RABEPK: variants seen among roughly 807,000 people sequenced by gnomAD.
RABEPK encodes the protein 40 kDa Rab9 effector protein.
Under a neutral mutation model 34.1 loss-of-function variants are expected in RABEPK, and 27 were observed. That is an observed-to-expected ratio of 0.79 (90% CI 0.58 to 1.09). The LOEUF (loss-of-function observed/expected upper bound fraction) is 1.09, where lower values mean the gene tolerates loss of function less well. Among genes scored for constraint, RABEPK ranks in the 50% least tolerant of loss-of-function variants. RABEPK has a pLI of 0.00. For missense variants in RABEPK, 449 were observed against 462.6 expected (o/e 0.97, Z 0.27); for synonymous variants, 172 against 169.2 (o/e 1.02, Z -0.13).
At chr9:125,204,568 G>A (rs772776283) in intron 2 of RABEPK, among the ~76,000 whole-genome samples, 2 of 152,220 alleles carry the variant, frequency 1.3e-5, no homozygotes, top group Non-Finnish European at 2.9e-5. Flanking sequence ...GCGCAACAGA[G>A]GGAGACTCCG....
intron 2 of RABEPK, among the ~76,000 whole-genome samples, chr9:125,206,364 G>T (rs1459510692): frequency 2.0e-5 from 3 of 152,110 alleles, no homozygotes; most frequent in African/African-American, 7.2e-5. Flanking sequence ...CAGGCATGGT[G>T]GTGCGCGCCT....
intron 6 of RABEPK, among the ~76,000 whole-genome samples, chr9:125,231,059 T>C (rs1307838540): frequency 1.3e-5 from 2 of 151,356 alleles, no homozygotes; most frequent in African/African-American, 4.8e-5. Flanking sequence ...TCCCAGCACT[T>C]TGGGAGGCCG....
chr9:125,225,562 C>T (rs1433849095), intron 5 of RABEPK, among the ~76,000 whole-genome samples: 1 of 152,088 alleles, frequency 6.6e-6, no homozygotes, highest in Admixed American at 6.6e-5. Context: ...GTGGCTCATG[C>T]CTATAATCCC....
chr9:125,201,827 G>C (rs1274656408), intron 1 of RABEPK, among the ~76,000 whole-genome samples: 1 of 151,746 alleles, frequency 6.6e-6, no homozygotes, highest in Non-Finnish European at 1.5e-5. Flanking sequence ...ATGTTGGCCA[G>C]GATGGTATCG....
At chr9:125,209,741 T>C (rs1294993277) in intron 3 of RABEPK, among the ~76,000 whole-genome samples, 1 of 152,168 alleles carries the variant, frequency 6.6e-6, no homozygotes, top group Non-Finnish European at 1.5e-5. Context: ...CTGGCCTCCA[T>C]GCCTTTGCAC....
At chr9:125,203,202 CT>C in intron 2 of RABEPK, 136 bp downstream of exon 2, 1 of 683,526 alleles carries the variant, frequency 1.5e-6, no homozygotes, top group Non-Finnish European at 2.6e-6. Flanking sequence ...TAGACTCAAA[CT>C]GTCTGAGAAA....
At chr9:125,204,136 C>T (rs1263832900) in intron 2 of RABEPK, among the ~76,000 whole-genome samples, 1 of 151,236 alleles carries the variant, frequency 6.6e-6, no homozygotes, top group Non-Finnish European at 1.5e-5. Context: ...AGATCGAGAC[C>T]ACTCTGGCTA....
rs532730704 is a variant in RABEPK, at chr9:125,213,435, A to G, written c.277A>G (p.Ile93Val). The G allele has an allele frequency of 1.2e-6, 2 of 1,614,142 alleles. No individual in the cohort carries two copies. Among genetic ancestry groups the G allele is most frequent in the South Asian group, 1.1e-5 (1 of 91,080 alleles). ...LLPRYEHASF[I>V]PSCTPDRIWV... Reference sequence around the variant, plus strand: ...GCCCCGGTATGAACATGCTAGCTTCATTCCCTCCTGCACACCTGACCGTAT... The same window carrying G: ...GCCCCGGTATGAACATGCTAGCTTCGTTCCCTCCTGCACACCTGACCGTAT... The change falls in exon 4 of 8, where the codon ATT becomes GTT. Residue 93 changes from isoleucine to valine, a missense_variant. By Grantham distance (29) the Ile-to-Val change is conservative. Coordinates refer to ENST00000373538, the MANE Select transcript of RABEPK (RefSeq NM_005833.4).
rs776630355 is a variant in RABEPK at position 125,234,066 on chromosome 9, T to C, written c.*86T>C. On this transcript the variant is annotated 3_prime_UTR_variant, in exon 8 of 8. Coordinates refer to ENST00000373538, the MANE Select transcript of RABEPK (RefSeq NM_005833.4). The stretch of plus-strand genomic sequence containing the variant: ...TGTTTTATACCTCCAAAATATCTTC[T>C]GCATTATATATCTGTTTTTCTCCTA... 3.9e-6 allele frequency: 5 copies of C among 1,289,914 alleles called. No individual in the cohort carries two copies. The highest frequency in any genetic ancestry group is 5.4e-6 in the Non-Finnish European group (5 of 924,420). 79.9% of individuals were successfully genotyped at this position (1,289,914 alleles called of 1,614,324 possible). A position where few individuals can be genotyped will look rare whatever the true frequency, so the allele number is the denominator to read the frequency against.
chr9:125,206,246 C>G (rs986527519), intron 2 of RABEPK, among the ~76,000 whole-genome samples: 1 of 151,978 alleles, frequency 6.6e-6, no homozygotes, highest in Non-Finnish European at 1.5e-5. Flanking sequence ...GTGGTGGGCG[C>G]GTCCCTAGCA....
chr9:125,219,799 T>G (rs1214539043), intron 4 of RABEPK, among the ~76,000 whole-genome samples: 2 of 152,126 alleles, frequency 1.3e-5, no homozygotes, highest in Non-Finnish European at 2.9e-5. Context: ...CCCAAACTGC[T>G]GAGGTTACAG....
At chr9:125,228,486 G>C (rs1299940895) in intron 6 of RABEPK, among the ~76,000 whole-genome samples, 1 of 145,130 alleles carries the variant, frequency 6.9e-6, no homozygotes, top group African/African-American at 2.6e-5. Flanking sequence ...GTGAAACCCC[G>C]TGTCTACTAA....
chr9:125,230,757 A>G (rs1014529285), intron 6 of RABEPK, among the ~76,000 whole-genome samples: 1 of 151,032 alleles, frequency 6.6e-6, no homozygotes, highest in Non-Finnish European at 1.5e-5. Context: ...GGATGGTCTC[A>G]ATCTCCTGAC....
Position 125,233,881 on chromosome 9 carries a change from T to C in RABEPK, c.1020T>C (p.His340=). The change falls in exon 8 of 8, where the codon CAT becomes CAC. Residue 340 remains histidine, a synonymous_variant. Transcript: ENST00000373538. ...TAATGAGCCACAGTGGTGACTCACA[T>C]GAGGAAAGCCAGACTGCTACACTGC... ...DKVMSHSGDS[H]EESQTATLLC... 1 of 1,613,828 alleles carries C rather than the reference T, an allele frequency of 6.2e-7. No individual in the cohort carries two copies. The highest frequency in any genetic ancestry group is 8.5e-7 in the Non-Finnish European group (1 of 1,179,754).
At chr9:125,229,297 G>GT (rs1246307014) in intron 6 of RABEPK, among the ~76,000 whole-genome samples, 1 of 151,980 alleles carries the variant, frequency 6.6e-6, no homozygotes, top group Admixed American at 6.6e-5. Flanking sequence ...GCCAGGCTTG[G>GT]TGACAGGCAC....
At chr9:125,205,082 C>T (rs1830138036) in intron 2 of RABEPK, among the ~76,000 whole-genome samples, 1 of 152,058 alleles carries the variant, frequency 6.6e-6, no homozygotes, top group Admixed American at 6.6e-5. Flanking sequence ...TCTAGCCTCC[C>T]AAAGTGCTGA....
chr9:125,212,976 C>T (rs910735812), intron 3 of RABEPK, among the ~76,000 whole-genome samples: 8 of 152,104 alleles, frequency 5.3e-5, no homozygotes, highest in South Asian at 2.1e-4. Flanking sequence ...CCAATACAGG[C>T]GTGTTTCAAA....
chr9:125,224,154 C>T (rs1001895344), intron 5 of RABEPK, among the ~76,000 whole-genome samples: 25 of 151,208 alleles, frequency 1.7e-4, no homozygotes, highest in Non-Finnish European at 3.4e-4. Flanking sequence ...CAAGATCGCA[C>T]CACTGCACTC....
chr9:125,225,962 CAAAAA>C (rs60277969), intron 5 of RABEPK, among the ~76,000 whole-genome samples: 1 of 98,624 alleles, frequency 1.0e-5, no homozygotes, highest in Admixed American at 1.2e-4. Flanking sequence ...GACTCTGTTT[CAAAAA>C]AAAAAAAGAA....
Sources: gnomAD v4.1 joint callset for allele counts (sites outside exome capture counted in the v4.1 genomes callset) on GRCh38, gnomAD v4.1.1 for gene constraint, MANE v1.5 for transcripts, NCBI Gene and HGNC (gene_info 2026-07-23, HGNC 2026-07-21) for gene names.